XRN2: variants seen among roughly 807,000 people sequenced by gnomAD.
The protein encoded by XRN2 is DHM1-like protein.
A neutral mutation model predicts 138.5 loss-of-function variants in XRN2; 44 were observed. The observed-to-expected ratio is 0.32, with a 90% confidence interval of 0.25 to 0.41. XRN2 has a LOEUF of 0.41. XRN2 is among the 10% of genes least tolerant of loss of function. The pLI, the probability that XRN2 is intolerant of heterozygous loss-of-function variation, is 1.00. For missense variants in XRN2, 937 were observed against 1,169.3 expected (o/e 0.80, Z 2.90); for synonymous variants, 354 against 369.4 (o/e 0.96, Z 0.48).
intron 24 of XRN2, among the ~76,000 whole-genome samples, chr20:21,364,804 C>CAA (rs55958227): frequency 1.6e-3 from 152 of 95,476 alleles, no homozygotes; most frequent in Non-Finnish European, 2.1e-3. Context: ...AGACCTGTCT[C>CAA]AAAAAAAAAA....
chr20:21,379,096 A>G (rs2038855619), intron 27 of XRN2, among the ~76,000 whole-genome samples: 1 of 152,222 alleles, frequency 6.6e-6, no homozygotes, highest in Non-Finnish European at 1.5e-5. Context: ...TGTGATTGCC[A>G]CGCTGATTAG....
Position 21,389,329 on chromosome 20 carries a change from T to C in XRN2, c.2844T>C (p.Asn948=). 4 of 1,612,856 alleles carry C rather than the reference T, an allele frequency of 2.5e-6. No homozygotes were observed. The East Asian group carries it at 8.9e-5, about 36-fold the overall frequency. The change falls in exon 30 of 30, where the codon AAT becomes AAC. Residue 948 remains asparagine (N), a synonymous_variant. Transcript: ENST00000377191. ...TGCCACCACCCTCAGGAAGATACAATTGGAATTAAGCTTTTGTAAAGCTTT... is the reference window on the plus strand; with the variant it reads ...TGCCACCACCCTCAGGAAGATACAACTGGAATTAAGCTTTTGTAAAGCTTT... ...YPLPPPSGRY[N]WN
At chr20:21,357,997 C>G (rs1049126460) in intron 24 of XRN2, among the ~76,000 whole-genome samples, 6 of 152,154 alleles carry the variant, frequency 3.9e-5, no homozygotes, top group African/African-American at 1.4e-4. Flanking sequence ...ATTTAACATG[C>G]TTGCTTATCT....
chr20:21,359,683 A>G (rs2038615334), intron 24 of XRN2, among the ~76,000 whole-genome samples: 1 of 152,174 alleles, frequency 6.6e-6, no homozygotes, highest in Non-Finnish European at 1.5e-5. Context: ...AGTAATTTTC[A>G]GTGTTTTCTC....
At chr20:21,366,457 T>C (rs1183693075) in intron 26 of XRN2, among the ~76,000 whole-genome samples, 1 of 150,356 alleles carries the variant, frequency 6.7e-6, no homozygotes, top group African/African-American at 2.4e-5. Flanking sequence ...GTTGGCAGGC[T>C]GAGGCAGGGG....
At chr20:21,346,821 G>A (rs924200586) in intron 17 of XRN2, among the ~76,000 whole-genome samples, 4 of 151,958 alleles carry the variant, frequency 2.6e-5, no homozygotes, top group Non-Finnish European at 5.9e-5. Flanking sequence ...GTTTCACCAT[G>A]TTGGTCAGGC....
At chr20:21,303,880 A>AT (rs1211731327) in intron 1 of XRN2, 1 of 983,516 alleles carries the variant, frequency 1.0e-6, no homozygotes, top group Non-Finnish European at 1.2e-6. Flanking sequence ...GGATGCACGG[A>AT]TTCGGAGGCC....
At chr20:21,356,523 A>AT in intron 22 of XRN2, 63 bp from the exon 23 acceptor site, 1 of 1,453,018 alleles carries the variant, frequency 6.9e-7, no homozygotes, top group African/African-American at 1.4e-5. Context: ...AACACTCAAG[A>AT]ATCTGCTTGA....
At chr20:21,366,801 T>C (rs189732668) in intron 26 of XRN2, among the ~76,000 whole-genome samples, 1 of 152,200 alleles carries the variant, frequency 6.6e-6, no homozygotes, top group Non-Finnish European at 1.5e-5. Context: ...GTAAGTATTT[T>C]AATAACTTTG....
Position 21,386,972 on chromosome 20 carries a change from A to G in XRN2, c.2753A>G (p.Tyr918Cys), listed in dbSNP as rs140551532. The stretch of plus-strand genomic sequence containing the variant: ...CAGATGCTAGCTGGGCCTGGTGGGT[A>G]TCCACCCAGACGAGATGATCGTGGA... ...QYQMLAGPGG[Y>C]PPRRDDRGGR... is the part of the protein sequence containing the mutation. Residue 918 changes from tyrosine to cysteine, a missense_variant, in exon 29 of 30, where the codon TAT (tyrosine) becomes TGT (cysteine). Around this residue, in one of 6 missense-constraint regions of XRN2, gnomAD observed 372 missense variants for 414.4 expected, o/e 0.90. Transcript: ENST00000377191. 3.1e-6 allele frequency: 5 copies of G among 1,613,644 alleles called. No individual in the cohort carries two copies. The East Asian group carries it at 8.9e-5, about 29-fold the overall frequency.
Position 21,332,347 on chromosome 20 carries a change from C to T in XRN2, c.765C>T (p.Phe255=), listed in dbSNP as rs1306697702. Residue 255 remains phenylalanine, a synonymous_variant, in exon 9 of 30, where the codon TTC becomes TTT. Coordinates refer to ENST00000377191, the MANE Select transcript of XRN2 (RefSeq NM_012255.5). ...EPNFTIIREE[F]KPNKPKPCGL... ...ACTTTACCATTATTAGAGAAGAATT[C>T]AAACCAAACAAGCCCAAACCATGTG... is the stretch of plus-strand genomic sequence containing the variant. 3 of 1,613,622 alleles carry T rather than the reference C, an allele frequency of 1.9e-6. No individual in the cohort carries two copies. The Admixed American group carries it at 5.0e-5, about 27-fold the overall frequency.
At chr20:21,346,352 T>G in intron 16 of XRN2, 63 bp from the exon 17 acceptor site, 1 of 1,591,604 alleles carries the variant, frequency 6.3e-7, no homozygotes, top group South Asian at 1.1e-5. Flanking sequence ...GGGTATAAAT[T>G]AGTAGACAGC....
At chr20:21,304,952 A>G (rs578066698) in intron 1 of XRN2, among the ~76,000 whole-genome samples, 1 of 152,180 alleles carries the variant, frequency 6.6e-6, no homozygotes, top group Non-Finnish European at 1.5e-5. Flanking sequence ...GACTATTGAC[A>G]CTGTGTAGAT....
rs567150732 is a variant in XRN2 at position 21,345,632 on chromosome 20, T to TA, written c.1530-775dup. ...TCTTAGAGAATAAGAAATGGATTCT[T>TA]AAAAAAAATAATACATTGGATGAAA... On this transcript the variant is annotated intron_variant, in intron 16 of 29. Transcript: ENST00000377191. Among the ~76,000 whole-genome samples, 86 of 152,120 alleles carry TA rather than the reference T, an allele frequency of 5.7e-4. 2 individuals are homozygous for TA. In the South Asian group the frequency reaches 7.7e-3, roughly 14 times the overall value.
chr20:21,332,793 A>G (rs1311149945), intron 9 of XRN2, among the ~76,000 whole-genome samples: 2 of 152,188 alleles, frequency 1.3e-5, no homozygotes, highest in African/African-American at 4.8e-5. Context: ...TATTGCCTAT[A>G]TCTACACGAG....
chr20:21,343,836 CT>C (rs944672828), intron 15 of XRN2, among the ~76,000 whole-genome samples: 60 of 147,764 alleles, frequency 4.1e-4, no homozygotes, highest in Middle Eastern at 3.3e-3. Context: ...TCTTCAGAAA[CT>C]TTTTTTTTTG....
chr20:21,371,087 T>C (rs2038756199), intron 27 of XRN2, among the ~76,000 whole-genome samples: 2 of 152,130 alleles, frequency 1.3e-5, no homozygotes, highest in Non-Finnish European at 2.9e-5. Context: ...TACTTTGTTA[T>C]AGATACCCCT....
intron 1 of XRN2, among the ~76,000 whole-genome samples, chr20:21,312,599 A>G (rs1431722125): frequency 1.1e-5 from 1 of 92,166 alleles, no homozygotes; most frequent in Non-Finnish European, 2.1e-5. Flanking sequence ...ACCAAACCCC[A>G]AGATTTTTTT....
At chr20:21,384,304 T>A (rs1452961640) in intron 28 of XRN2, among the ~76,000 whole-genome samples, 2 of 152,200 alleles carry the variant, frequency 1.3e-5, no homozygotes. Flanking sequence ...CCTATGAGTG[T>A]TAAGCTCAAT....
Sources: allele counts gnomAD v4.1 joint callset (sites outside exome capture counted in the v4.1 genomes callset), GRCh38; gene constraint gnomAD v4.1.1; regional missense constraint gnomAD v4.1.1; transcripts MANE v1.5; gene names NCBI Gene and HGNC (gene_info 2026-07-23, HGNC 2026-07-21).